SUMF1: variants seen among roughly 807,000 people sequenced by gnomAD.
The protein encoded by SUMF1 is sulfatase modifying factor 1, also known as formylglycine-generating enzyme.
Under a neutral mutation model 47.6 loss-of-function variants are expected in SUMF1, and 48 were observed. The observed-to-expected ratio is 1.01, with a 90% CI of 0.80 to 1.28. SUMF1 has a LOEUF of 1.28. Ranked by LOEUF, SUMF1 falls within the 50% of genes most tolerant of loss-of-function variation. The probability of loss-of-function intolerance (pLI) is 0.00; values close to 1 mark genes in which losing one functional copy is unlikely to be tolerated. For synonymous variants in SUMF1, 230 were observed against 192.1 expected, an observed-to-expected ratio of 1.20 and a Z score of -1.63; for missense variants, 571 against 485.4, an observed-to-expected ratio of 1.18 and a Z score of -1.66.
At chr3:4,302,608 G>A (rs1217159913) in intron 8 of SUMF1, among the ~76,000 whole-genome samples, 1 of 152,110 alleles carries the variant, frequency 6.6e-6, no homozygotes, top group Non-Finnish European at 1.5e-5. Flanking sequence ...TTCCCATCAT[G>A]GCCTGAACCA....
At chr3:4,175,247 C>A (rs1286549644) in intron 8 of SUMF1, among the ~76,000 whole-genome samples, 1 of 152,182 alleles carries the variant, frequency 6.6e-6, no homozygotes, top group Non-Finnish European at 1.5e-5. Flanking sequence ...GCCCCTGACC[C>A]CCGTGTAGCC....
At chr3:4,217,950 C>G (rs141099553) in intron 8 of SUMF1, among the ~76,000 whole-genome samples, 2 of 152,164 alleles carry the variant, frequency 1.3e-5, no homozygotes, top group Non-Finnish European at 2.9e-5. Flanking sequence ...ATGAGAATCT[C>G]ACCTTGAAAT....
intron 9 of SUMF1, among the ~76,000 whole-genome samples, chr3:4,035,856 A>G: frequency 7.0e-6 from 1 of 143,544 alleles, no homozygotes; most frequent in South Asian, 2.4e-4. Flanking sequence ...TATTAGTGAC[A>G]TGAAGTACTT....
At chr3:4,257,465 C>T (rs377158726) in intron 8 of SUMF1, among the ~76,000 whole-genome samples, 2 of 150,132 alleles carry the variant, frequency 1.3e-5, no homozygotes, top group African/African-American at 2.5e-5. Context: ...TATACACCAA[C>T]AACAGACAAA....
chr3:4,440,298 T>C (rs1431580417), intron 3 of SUMF1, among the ~76,000 whole-genome samples: 1 of 152,078 alleles, frequency 6.6e-6, no homozygotes, highest in Non-Finnish European at 1.5e-5. Flanking sequence ...TACATGTGTT[T>C]TGAGTTATTT....
At chr3:4,316,345 C>T (rs1324933613) in intron 8 of SUMF1, 2 of 1,457,494 alleles carry the variant, frequency 1.4e-6, no homozygotes, top group East Asian at 4.9e-5. Flanking sequence ...AACGAACGTA[C>T]AGTGCAGTGG....
At position 4,392,667 on chromosome 3, in the gene SUMF1, AGAGC is replaced by A. The variant is rs1332576111; in HGVS notation, c.955-16282_955-16279del. Among the ~76,000 whole-genome samples, 446 of 150,886 alleles carry A rather than the reference AGAGC, an allele frequency of 3.0e-3. 4 individuals are homozygous for A. The highest frequency in any genetic ancestry group is 0.01 in the African/African-American group (432 of 41,166). ...TACCTATATATATAAAGAGAGAAAG[AGAGC>A]GAGAGAGAGAGCACATGTATATGTA... On this transcript the variant is annotated intron_variant, in intron 7 of 8. Transcript: ENST00000272902.
intron 2 of SUMF1, among the ~76,000 whole-genome samples, chr3:4,451,323 AAGTT>A (rs1702959735): frequency 6.6e-6 from 1 of 152,214 alleles, no homozygotes; most frequent in Non-Finnish European, 1.5e-5. Context: ...ACTGGTAACA[AAGTT>A]AGAGGTACTG....
chr3:4,243,246 T>C (rs773116865), intron 8 of SUMF1, among the ~76,000 whole-genome samples: 7 of 152,218 alleles, frequency 4.6e-5, no homozygotes, highest in Non-Finnish European at 8.8e-5. Context: ...GAAAGGTTTT[T>C]TGGGTCTCTA....
At chr3:4,317,255 C>T (rs547962347) in intron 8 of SUMF1, 157 of 1,510,832 alleles carry the variant, frequency 1.0e-4, no homozygotes, top group Admixed American at 2.8e-4. Context: ...AATAAAAATG[C>T]GTTGAGCCTA....
chr3:4,086,765 G>A lies in SUMF1; in HGVS notation c.1015-18020C>T, dbSNP rs112677812. Among the ~76,000 whole-genome samples, 134 of 152,146 alleles carry A rather than the reference G, an allele frequency of 8.8e-4. 3 individuals are homozygous for A. Among genetic ancestry groups the A allele is most frequent in the African/African-American group, 3.1e-3 (130 of 41,468 alleles). ...GGAAGATAATTGAATCATGAGGGCG[G>A]TTTCCCCCATACTGTTCTCATGGTA... is the stretch of plus-strand genomic sequence containing the variant. On this transcript the variant is annotated intron_variant and NMD_transcript_variant, in intron 8 of 12. Coordinates refer to the SUMF1 transcript ENST00000448413.
intron 8 of SUMF1, among the ~76,000 whole-genome samples, chr3:4,291,529 T>C (rs1264520389): frequency 6.6e-6 from 1 of 152,186 alleles, no homozygotes; most frequent in East Asian, 1.9e-4. Context: ...TTGCAGTGAA[T>C]AATAGATAAC....
intron 8 of SUMF1, among the ~76,000 whole-genome samples, chr3:4,248,863 T>C (rs1193472538): frequency 1.3e-5 from 2 of 152,162 alleles, no homozygotes; most frequent in Non-Finnish European, 2.9e-5. Context: ...AAACCGGACA[T>C]TCCCACCTAC....
intron 9 of SUMF1, among the ~76,000 whole-genome samples, chr3:4,037,914 C>T (rs139617402): frequency 2.6e-5 from 4 of 152,130 alleles, no homozygotes; most frequent in African/African-American, 7.2e-5. Flanking sequence ...TCACAGTTGG[C>T]GGGTTATGTT....
chr3:4,418,248 C>A (rs1039791698), intron 4 of SUMF1, 116 bp from the exon 5 acceptor site: 1 of 1,468,116 alleles, frequency 6.8e-7, no homozygotes, highest in Admixed American at 1.9e-5. Context: ...CTGAGGTCAT[C>A]CTGGTCCTTA....
intron 3 of SUMF1, among the ~76,000 whole-genome samples, chr3:4,436,183 C>T (rs1702390036): frequency 2.0e-5 from 3 of 152,014 alleles, no homozygotes; most frequent in Non-Finnish European, 4.4e-5. Context: ...AACAGCAGAA[C>T]ATAGTCTAGG....
At chr3:4,349,345 T>C (rs1575118540) in intron 8 of SUMF1, among the ~76,000 whole-genome samples, 1 of 152,168 alleles carries the variant, frequency 6.6e-6, no homozygotes, top group East Asian at 1.9e-4. Flanking sequence ...TAGAGGCTAG[T>C]GAGGCTGTGG....
At chr3:4,337,761 T>A (rs1308640843) in intron 8 of SUMF1, among the ~76,000 whole-genome samples, 1 of 152,224 alleles carries the variant, frequency 6.6e-6, no homozygotes, top group Non-Finnish European at 1.5e-5. Flanking sequence ...CAATTAAAAT[T>A]TTCATCTGCC....
At chr3:4,212,193 C>A (rs774594534) in intron 8 of SUMF1, among the ~76,000 whole-genome samples, 10 of 152,144 alleles carry the variant, frequency 6.6e-5, no homozygotes, top group Non-Finnish European at 1.2e-4. Context: ...TGGCTGGCAT[C>A]TGGCAGATGC....
Sources: allele counts gnomAD v4.1 joint callset (sites outside exome capture counted in the v4.1 genomes callset), GRCh38; gene constraint gnomAD v4.1.1; transcripts MANE v1.5; gene names NCBI Gene and HGNC (gene_info 2026-07-23, HGNC 2026-07-21).